The following HYCC2 variants were observed in gnomAD, a reference collection of about 807,000 sequenced individuals.
HYCC2 encodes hyccin 2.
At chr2:200,981,972 G>T in the HYCC2 span, 1 of 1,285,778 alleles carries the variant, frequency 7.8e-7, no homozygotes, top group East Asian at 2.4e-5. The surrounding 1 kb of genome is among the most constrained non-coding windows in gnomAD (Gnocchi z 4.5). Flanking sequence ...GTTCGCTATA[G>T]GTTGTCAATG....
the HYCC2 span, chr2:200,981,901 A>G: frequency 1.9e-6 from 3 of 1,559,192 alleles, no homozygotes; most frequent in Non-Finnish European, 2.6e-6. This position sits in a 1 kb window ranked among gnomAD's most constrained non-coding sequence, Gnocchi z 4.5. Context: ...AGACTCAGCA[A>G]TAGCTAAATT....
chr2:201,068,549 G>A, the HYCC2 span, among the ~76,000 whole-genome samples: 72 of 152,234 alleles, frequency 4.7e-4, no homozygotes, highest in African/African-American at 1.4e-3. Context: ...CCTCCCATCC[G>A]TAAAATTCTG....
chr2:201,009,713 G>C, the HYCC2 span, among the ~76,000 whole-genome samples: 1 of 151,948 alleles, frequency 6.6e-6, no homozygotes, highest in African/African-American at 2.4e-5. Flanking sequence ...ACCCACCTCG[G>C]CCTCCCAAAG....
the HYCC2 span, among the ~76,000 whole-genome samples, chr2:201,015,053 A>G: frequency 2.6e-5 from 4 of 152,212 alleles, no homozygotes; most frequent in South Asian, 8.3e-4. Flanking sequence ...ACCCCACTCA[A>G]CGACTCCAAG....
chr2:201,019,879 C>T, the HYCC2 span, among the ~76,000 whole-genome samples: 1 of 152,044 alleles, frequency 6.6e-6, no homozygotes, highest in East Asian at 1.9e-4. Flanking sequence ...CGCTTGAGCC[C>T]AGGAGTTCAA....
the HYCC2 span, chr2:200,988,285 C>A: frequency 6.2e-7 from 1 of 1,611,448 alleles, no homozygotes. Context: ...TCTATGACGA[C>A]GGATTGAAGC....
At chr2:201,028,075 A>T in the HYCC2 span, among the ~76,000 whole-genome samples, 26 of 152,334 alleles carry the variant, frequency 1.7e-4, 1 homozygote, top group African/African-American at 6.0e-4. Flanking sequence ...CCATCATCTC[A>T]GCCCAAAAAT....
At chr2:201,062,504 C>T in the HYCC2 span, among the ~76,000 whole-genome samples, 7 of 151,902 alleles carry the variant, frequency 4.6e-5, no homozygotes, top group Admixed American at 6.6e-5. Context: ...AAAAATTAGC[C>T]AGGCGTGGTG....
At chr2:200,991,934 G>T in the HYCC2 span, among the ~76,000 whole-genome samples, 1 of 151,722 alleles carries the variant, frequency 6.6e-6, no homozygotes, top group Non-Finnish European at 1.5e-5. Flanking sequence ...AGGTGTTTAT[G>T]TCGGGGCCGG....
chr2:201,016,454 A>C, the HYCC2 span, among the ~76,000 whole-genome samples: 7 of 152,086 alleles, frequency 4.6e-5, no homozygotes, highest in Non-Finnish European at 1.0e-4. Flanking sequence ...ATGCCCAGCT[A>C]ATTTTTTATA....
the HYCC2 span, among the ~76,000 whole-genome samples, chr2:201,015,767 A>G: frequency 3.3e-5 from 5 of 152,208 alleles, no homozygotes; most frequent in East Asian, 9.6e-4. Flanking sequence ...TGCTTCAAAC[A>G]GAACTACTTT....
chr2:201,001,137 CAAAAAAAAA>C, the HYCC2 span, among the ~76,000 whole-genome samples: 1 of 70,330 alleles, frequency 1.4e-5, no homozygotes, highest in Non-Finnish European at 2.9e-5. Flanking sequence ...GACTCTGTCT[CAAAAAAAAA>C]AAAAAAAAAG....
the HYCC2 span, among the ~76,000 whole-genome samples, chr2:201,017,668 T>C: frequency 6.6e-6 from 1 of 152,246 alleles, no homozygotes; most frequent in Non-Finnish European, 1.5e-5. Flanking sequence ...GCAAAGCAAC[T>C]CTGTTTTTCA....
the HYCC2 span, among the ~76,000 whole-genome samples, chr2:201,002,953 A>G: frequency 3.3e-5 from 5 of 152,362 alleles, no homozygotes; most frequent in East Asian, 1.9e-4. Flanking sequence ...AAAACTGAAA[A>G]CAATCTAAAT....
chr2:200,997,999 G>T, the HYCC2 span, among the ~76,000 whole-genome samples: 1 of 152,200 alleles, frequency 6.6e-6, no homozygotes, highest in Non-Finnish European at 1.5e-5. Flanking sequence ...CTGTGCCACT[G>T]CACTCCAGCC....
At chr2:201,056,674 CAA>C in the HYCC2 span, among the ~76,000 whole-genome samples, 21 of 68,922 alleles carry the variant, frequency 3.0e-4, no homozygotes, top group Admixed American at 3.3e-4. Context: ...AACTCCATCT[CAA>C]AAAAAAAAAA....
the HYCC2 span, among the ~76,000 whole-genome samples, chr2:201,012,089 C>A: frequency 6.6e-6 from 1 of 151,858 alleles, no homozygotes; most frequent in African/African-American, 2.4e-5. Context: ...ATGGTGAGAA[C>A]CTTTATGAAT....
the HYCC2 span, among the ~76,000 whole-genome samples, chr2:201,060,701 C>T: frequency 1.6e-4 from 25 of 152,144 alleles, 1 homozygote; most frequent in African/African-American, 5.5e-4. Context: ...TCTCTGTTTC[C>T]GGCAGCCAAA....
the HYCC2 span, among the ~76,000 whole-genome samples, chr2:201,000,666 A>G: frequency 6.6e-6 from 1 of 152,198 alleles, no homozygotes; most frequent in Non-Finnish European, 1.5e-5. Flanking sequence ...ACAGTTCCTC[A>G]AGAAGTTAAG....
Sources: gnomAD v4.1 joint callset for allele counts (sites outside exome capture counted in the v4.1 genomes callset) on GRCh38, gnomAD v4.1.1 for gene constraint, Gnocchi (gnomAD v3.1) non-coding constraint, MANE v1.5 for transcripts, NCBI Gene and HGNC (gene_info 2026-07-23, HGNC 2026-07-21) for gene names.